Variants in ANTXR1 observed in about 807,000 individuals in gnomAD.
The protein encoded by ANTXR1 is anthrax toxin receptor 1.
ANTXR1 carries 19 observed loss-of-function variants against 78.1 expected under a neutral mutation model. The observed-to-expected ratio is 0.24, with a 90% CI of 0.17 to 0.36. The LOEUF (loss-of-function observed/expected upper bound fraction) is 0.36, where lower values mean the gene tolerates loss of function less well. Ranked by LOEUF, ANTXR1 falls within the 10% of genes least tolerant of loss-of-function variation. ANTXR1 has a pLI of 1.00. For missense variants in ANTXR1, 518 were observed against 718.6 expected (o/e 0.72, Z 3.19); for synonymous variants, 273 against 260.5 (o/e 1.05, Z -0.46).
At chr2:69,047,209 A>T (rs1669795138) in intron 3 of ANTXR1, among the ~76,000 whole-genome samples, 1 of 152,172 alleles carries the variant, frequency 6.6e-6, no homozygotes, top group South Asian at 2.1e-4. Context: ...TATACCAAGG[A>T]ATGACTGTAT....
chr2:69,045,368 G>A (rs895648933), intron 3 of ANTXR1, among the ~76,000 whole-genome samples: 29 of 152,158 alleles, frequency 1.9e-4, no homozygotes, highest in Admixed American at 8.5e-4. Flanking sequence ...TTTAGGATTT[G>A]CCACATTTTA....
chr2:69,129,970 A>T (rs899775711), intron 12 of ANTXR1, among the ~76,000 whole-genome samples: 2 of 152,176 alleles, frequency 1.3e-5, no homozygotes, highest in African/African-American at 2.4e-5. Flanking sequence ...CGAACCAGGG[A>T]TGGATATATC....
chr2:69,145,682 A>C (rs1034895275), intron 12 of ANTXR1: 1 of 1,144,586 alleles, frequency 8.7e-7, no homozygotes, highest in African/African-American at 1.6e-5. Flanking sequence ...AGGATTTCAC[A>C]GTTTCTTTAT....
At chr2:69,175,011 T>C (rs1674082342) in intron 14 of ANTXR1, among the ~76,000 whole-genome samples, 1 of 152,138 alleles carries the variant, frequency 6.6e-6, no homozygotes, top group African/African-American at 2.4e-5. Context: ...CATAGAGCAG[T>C]CTTTCCTCAC....
At chr2:69,025,449 G>A (rs969538809) in intron 1 of ANTXR1, among the ~76,000 whole-genome samples, 2 of 152,154 alleles carry the variant, frequency 1.3e-5, no homozygotes, top group African/African-American at 4.8e-5. Context: ...GATGCTTAAT[G>A]ATATGCAGCC....
At chr2:69,198,181 T>A (rs1674705069) in intron 17 of ANTXR1, among the ~76,000 whole-genome samples, 1 of 152,186 alleles carries the variant, frequency 6.6e-6, no homozygotes, top group Non-Finnish European at 1.5e-5. Flanking sequence ...AAAGCTTTGA[T>A]ACAAATGGCC....
intron 2 of ANTXR1, among the ~76,000 whole-genome samples, chr2:69,044,541 G>C (rs900161664): frequency 6.6e-6 from 1 of 152,148 alleles, no homozygotes; most frequent in African/African-American, 2.4e-5. Flanking sequence ...GGAAGATCCA[G>C]TGTGTCTTCT....
At chr2:69,051,725 T>G (rs1669939365) in intron 3 of ANTXR1, among the ~76,000 whole-genome samples, 1 of 152,104 alleles carries the variant, frequency 6.6e-6, no homozygotes, top group African/African-American at 2.4e-5. Flanking sequence ...ATAGACATTT[T>G]GCATTTTCCA....
intron 13 of ANTXR1, among the ~76,000 whole-genome samples, chr2:69,159,730 T>C (rs1407937793): frequency 6.6e-6 from 1 of 152,172 alleles, no homozygotes; most frequent in Non-Finnish European, 1.5e-5. Flanking sequence ...GTTCTCCCTG[T>C]CTTGTTTTCA....
intron 14 of ANTXR1, among the ~76,000 whole-genome samples, chr2:69,176,485 C>CT (rs1674122052): frequency 2.0e-5 from 3 of 152,318 alleles, no homozygotes; most frequent in Middle Eastern, 3.4e-3. Context: ...GCCAGTTCTA[C>CT]TTTAAGTTCT....
rs1426436795 is a variant in ANTXR1 at position 69,063,199 on chromosome 2, C to T, written c.297-7448C>T. 5.3e-5 allele frequency among the ~76,000 whole-genome samples: 8 copies of T among 151,948 alleles called. No homozygotes were observed. In the East Asian group the frequency reaches 1.6e-3, roughly 30 times the overall value. Reference sequence around the variant, plus strand: ...CAGATCCAAGAAGCTCAAAGAACCTCAAGCAGGACAAATGCAAAGAAAGCA... The same window carrying T: ...CAGATCCAAGAAGCTCAAAGAACCTTAAGCAGGACAAATGCAAAGAAAGCA... On this transcript the variant is annotated intron_variant, in intron 3 of 17. Coordinates refer to ENST00000303714, the MANE Select transcript of ANTXR1 (RefSeq NM_032208.3).
At chr2:69,081,284 C>A (rs1670894371) in intron 8 of ANTXR1, among the ~76,000 whole-genome samples, 1 of 152,180 alleles carries the variant, frequency 6.6e-6, no homozygotes. Flanking sequence ...GACATTTGGC[C>A]ATAAATGTCT....
intron 17 of ANTXR1, among the ~76,000 whole-genome samples, chr2:69,225,626 A>G (rs1190626254): frequency 6.6e-6 from 1 of 152,178 alleles, no homozygotes; most frequent in Non-Finnish European, 1.5e-5. Flanking sequence ...AGAGGCACTC[A>G]TTAACCTCAT....
intron 12 of ANTXR1, among the ~76,000 whole-genome samples, chr2:69,140,035 A>T (rs1211986391): frequency 6.6e-6 from 1 of 152,228 alleles, no homozygotes; most frequent in Non-Finnish European, 1.5e-5. Flanking sequence ...TTTGATTAAC[A>T]AGCTCCATGC....
chr2:69,024,926 C>A (rs1671298311), intron 1 of ANTXR1, among the ~76,000 whole-genome samples: 1 of 152,178 alleles, frequency 6.6e-6, no homozygotes. Flanking sequence ...ACCTCTTACC[C>A]CTTAGACATT....
chr2:69,137,284 T>C (rs1045959440), intron 12 of ANTXR1, among the ~76,000 whole-genome samples: 1 of 152,206 alleles, frequency 6.6e-6, no homozygotes, highest in Non-Finnish European at 1.5e-5. Context: ...GCACTTCTAA[T>C]TTGACAGTCT....
chr2:69,013,494 C>G lies in ANTXR1; in HGVS notation c.-6C>G. 6.3e-7 allele frequency: 1 copy of G among 1,587,898 alleles called. No individual in the cohort carries two copies. The highest frequency in any genetic ancestry group is 8.6e-7 in the Non-Finnish European group (1 of 1,169,434). On this transcript the variant is annotated 5_prime_UTR_variant, in exon 1 of 18. Coordinates refer to ENST00000303714, the MANE Select transcript of ANTXR1 (RefSeq NM_032208.3). This position sits in a 1 kb window ranked among gnomAD's most constrained non-coding sequence, Gnocchi z 5.0. The stretch of plus-strand genomic sequence containing the variant: ...AGCGGACCCTGCTCTCCCCGGGCTG[C>G]GGGCCATGGCCACGGCGGAGCGGAG...
intron 10 of ANTXR1, among the ~76,000 whole-genome samples, chr2:69,117,868 A>G (rs1672201785): frequency 6.6e-6 from 1 of 152,106 alleles, no homozygotes; most frequent in African/African-American, 2.4e-5. Flanking sequence ...GATCTGAAAT[A>G]TCCTCTGCCC....
chr2:69,100,476 T>G (rs902045132), intron 9 of ANTXR1, among the ~76,000 whole-genome samples: 1 of 152,178 alleles, frequency 6.6e-6, no homozygotes, highest in Non-Finnish European at 1.5e-5. Flanking sequence ...GCTGTCTTTC[T>G]TCCTAAACTC....
Sources: gnomAD v4.1 joint callset for allele counts (sites outside exome capture counted in the v4.1 genomes callset) on GRCh38, gnomAD v4.1.1 for gene constraint, Gnocchi (gnomAD v3.1) non-coding constraint, MANE v1.5 for transcripts, NCBI Gene and HGNC (gene_info 2026-07-23, HGNC 2026-07-21) for gene names.